MAPK4: variants seen among roughly 807,000 people sequenced by gnomAD.
MAPK4 encodes mitogen-activated protein kinase 4.
Under a neutral mutation model 47.7 loss-of-function variants are expected in MAPK4, and 22 were observed. That is an observed-to-expected ratio of 0.46 (90% confidence interval 0.33 to 0.66). The LOEUF is 0.66. Ranked by LOEUF, MAPK4 falls within the 30% of genes least tolerant of loss-of-function variation. The pLI is 0.02. For synonymous variants in MAPK4, 390 were observed against 365.7 expected (o/e 1.07, Z -0.76); for missense variants, 736 against 831.7 (o/e 0.88, Z 1.42).
intron 5 of MAPK4, among the ~76,000 whole-genome samples, chr18:50,727,352 C>T (rs574634323): frequency 6.6e-6 from 1 of 152,282 alleles, no homozygotes; most frequent in African/African-American, 2.4e-5. Flanking sequence ...GACAGATGAG[C>T]AATTTCTCCT....
chr18:50,695,786 C>T (rs1204805575), intron 2 of MAPK4, among the ~76,000 whole-genome samples: 1 of 152,230 alleles, frequency 6.6e-6, no homozygotes, highest in Non-Finnish European at 1.5e-5. Flanking sequence ...CCATCAAAGT[C>T]TCTATCAAAA....
intron 1 of MAPK4, among the ~76,000 whole-genome samples, chr18:50,633,616 T>G (rs751344754): frequency 2.0e-4 from 31 of 152,188 alleles, no homozygotes; most frequent in Non-Finnish European, 1.5e-4. Context: ...TGCTGCCAGA[T>G]TAATCTCCCC....
At chr18:50,652,012 T>C (rs2043055248) in intron 1 of MAPK4, among the ~76,000 whole-genome samples, 1 of 152,164 alleles carries the variant, frequency 6.6e-6, no homozygotes, top group South Asian at 2.1e-4. Context: ...TATAATTGGG[T>C]TGTGGTCATG....
At chr18:50,661,738 C>T (rs1042648687) in intron 1 of MAPK4, among the ~76,000 whole-genome samples, 2 of 152,190 alleles carry the variant, frequency 1.3e-5, no homozygotes, top group African/African-American at 4.8e-5. Flanking sequence ...ATAAGGACCA[C>T]GGGCCTTGTT....
rs372354903 is a variant in MAPK4, at chr18:50,620,213, C to T, written c.-870-42876C>T. Among the ~76,000 whole-genome samples, 9 of 152,162 alleles carry T rather than the reference C, an allele frequency of 5.9e-5. No individual in the cohort carries two copies. The South Asian group carries it at 1.5e-3, about 25-fold the overall frequency. On this transcript the variant is annotated intron_variant, in intron 1 of 5. Coordinates refer to ENST00000400384, the MANE Select transcript of MAPK4 (RefSeq NM_002747.4). ...CTTCAAAAGGGGCCATAATGACCAT[C>T]GAGCTGGAAGTGGAAGTGTTATAGG...
chr18:50,729,963 C>A lies in MAPK4; in HGVS notation c.*109C>A. The A allele has an allele frequency of 8.6e-7, 1 of 1,156,356 alleles. No homozygotes were observed. Among genetic ancestry groups the A allele is most frequent in the Non-Finnish European group, 1.2e-6 (1 of 841,090 alleles). The allele number at this position is 1,156,356 out of a possible 1,614,324, so 71.6% of individuals were successfully genotyped here. A position where few individuals can be genotyped will look rare whatever the true frequency, so the allele number is the denominator to read the frequency against. On this transcript the variant is annotated 3_prime_UTR_variant, in exon 6 of 6. Coordinates refer to ENST00000400384, the MANE Select transcript of MAPK4 (RefSeq NM_002747.4). ...CCCCTCTCTGCTGCCTTGGGGTTGG[C>A]AGAACACGTGAAGGATCCGAGGAGC... is the stretch of plus-strand genomic sequence containing the variant.
At chr18:50,658,933 G>A (rs2043140621) in intron 1 of MAPK4, among the ~76,000 whole-genome samples, 3 of 152,218 alleles carry the variant, frequency 2.0e-5, no homozygotes, top group Admixed American at 2.0e-4. Context: ...TGTTCCCACG[G>A]AGTCTAGAGC....
intron 1 of MAPK4, among the ~76,000 whole-genome samples, chr18:50,577,645 G>T (rs2042309553): frequency 6.6e-6 from 1 of 152,200 alleles, no homozygotes; most frequent in South Asian, 2.1e-4. Flanking sequence ...GGGAACACAT[G>T]AAACAATAGA....
chr18:50,631,401 C>T (rs149701339), intron 1 of MAPK4, among the ~76,000 whole-genome samples: 11 of 152,182 alleles, frequency 7.2e-5, no homozygotes, highest in African/African-American at 2.6e-4. Context: ...TCTGGTACAT[C>T]CAGAAAAAGG....
chr18:50,728,221 A>G (rs1224132560), intron 5 of MAPK4, among the ~76,000 whole-genome samples: 2 of 152,182 alleles, frequency 1.3e-5, no homozygotes, highest in African/African-American at 4.8e-5. Context: ...CCAGGGTTCT[A>G]GGTAGAGCAC....
At chr18:50,625,940 ATTTATTT>A (rs1441504696) in intron 1 of MAPK4, among the ~76,000 whole-genome samples, 1 of 151,110 alleles carries the variant, frequency 6.6e-6, no homozygotes, top group Admixed American at 6.6e-5. Flanking sequence ...ATATAATGAC[ATTTATTT>A]TAAGGACTCA....
chr18:50,729,692 C>G lies in MAPK4; in HGVS notation c.1602C>G (p.Ser534Arg). The G allele has an allele frequency of 2.6e-6, 4 of 1,553,836 alleles. No homozygotes were observed. Among genetic ancestry groups the G allele is most frequent in the Non-Finnish European group, 3.5e-6 (4 of 1,149,892 alleles). ...GRPAPVDGGA[S>R]PQFDLDVFIS... ...CGGCCCCGGTGGACGGCGGCGCCAG[C>G]CCCCAGTTCGACCTGGACGTGTTCA... is the stretch of plus-strand genomic sequence containing the variant. The change falls in exon 6 of 6, where the codon AGC becomes AGG. Residue 534 changes from serine (S) to arginine (R), a missense_variant. Coordinates refer to ENST00000400384, the MANE Select transcript of MAPK4 (RefSeq NM_002747.4).
chr18:50,610,453 C>A (rs541206263), intron 1 of MAPK4, among the ~76,000 whole-genome samples: 1 of 152,314 alleles, frequency 6.6e-6, no homozygotes, highest in Admixed American at 6.5e-5. Context: ...AAATGGGAAA[C>A]CACAACCAAG....
At chr18:50,630,637 TTCTGCACTCC>T (rs926766404) in intron 1 of MAPK4, among the ~76,000 whole-genome samples, 2 of 152,196 alleles carry the variant, frequency 1.3e-5, no homozygotes, top group African/African-American at 2.4e-5. Flanking sequence ...CTAACTAAAA[TTCTGCACTCC>T]TCTGCACTCC....
At chr18:50,596,419 T>C (rs1199709243) in intron 1 of MAPK4, among the ~76,000 whole-genome samples, 1 of 152,174 alleles carries the variant, frequency 6.6e-6, no homozygotes, top group East Asian at 1.9e-4. Flanking sequence ...TGAGCCTAGG[T>C]CACTCCCCTA....
At position 50,671,411 on chromosome 18, in the gene MAPK4, A is replaced by G. The variant is rs1005268193; in HGVS notation, c.546+6907A>G. Among the ~76,000 whole-genome samples, 10 of 152,352 alleles carry G rather than the reference A, an allele frequency of 6.6e-5. No homozygotes were observed. The East Asian group carries it at 1.9e-3, about 29-fold the overall frequency. On this transcript the variant is annotated intron_variant, in intron 2 of 5. Transcript: ENST00000400384. ...CACTAGATGTTATTTAAAAGCAAAAACACTGGTTTCACAGTTCAGCAAGAT... is the reference window on the plus strand; with the variant it reads ...CACTAGATGTTATTTAAAAGCAAAAGCACTGGTTTCACAGTTCAGCAAGAT...
At chr18:50,638,721 TGA>T (rs1295526312) in intron 1 of MAPK4, among the ~76,000 whole-genome samples, 2 of 152,222 alleles carry the variant, frequency 1.3e-5, no homozygotes, top group African/African-American at 2.4e-5. Context: ...AAGGAATAAC[TGA>T]GAGTCAGTAG....
intron 3 of MAPK4, among the ~76,000 whole-genome samples, chr18:50,717,441 A>T (rs767606649): frequency 1.3e-5 from 2 of 151,360 alleles, no homozygotes; most frequent in Non-Finnish European, 2.9e-5. Context: ...CTGCATTGGT[A>T]GGCCTAGGCT....
At chr18:50,619,529 G>C (rs2042713130) in intron 1 of MAPK4, among the ~76,000 whole-genome samples, 1 of 151,858 alleles carries the variant, frequency 6.6e-6, no homozygotes, top group Non-Finnish European at 1.5e-5. Context: ...GGGTCTCACT[G>C]TGTTGCCCAG....
Sources: allele counts gnomAD v4.1 joint callset (sites outside exome capture counted in the v4.1 genomes callset), GRCh38; gene constraint gnomAD v4.1.1; transcripts MANE v1.5; gene names NCBI Gene and HGNC (gene_info 2026-07-23, HGNC 2026-07-21).